The following LMO2 variants were observed in gnomAD, a reference collection of about 807,000 sequenced individuals.
LMO2 encodes LIM domain only 2.
LMO2 carries 20 observed loss-of-function variants against 23.2 expected under a neutral mutation model. The ratio of observed to expected loss-of-function variants is 0.86; its 90% CI spans 0.61 to 1.25. The LOEUF (loss-of-function observed/expected upper bound fraction) is 1.25, where lower values mean the gene tolerates loss of function less well. LMO2 is among the 50% of genes most tolerant of loss of function. The pLI is 0.00. For missense variants in LMO2, 270 were observed against 315.3 expected, an observed-to-expected ratio of 0.86 and a Z score of 1.09; for synonymous variants, 123 against 130.2, an observed-to-expected ratio of 0.94 and a Z score of 0.38.
chr11:33,878,586 G>T (rs957393447), intron 2 of LMO2, among the ~76,000 whole-genome samples: 25 of 152,218 alleles, frequency 1.6e-4, no homozygotes, highest in African/African-American at 2.4e-4. Flanking sequence ...TAGGTGCTCA[G>T]TAAATGGCAA....
At chr11:33,890,768 C>T (rs1298447273) in intron 1 of LMO2, among the ~76,000 whole-genome samples, 1 of 152,140 alleles carries the variant, frequency 6.6e-6, no homozygotes, top group African/African-American at 2.4e-5. Context: ...AGCTACTATC[C>T]AAGCACTTCC....
chr11:33,870,648 C>T, intron 2 of LMO2: 1 of 854,770 alleles, frequency 1.2e-6, no homozygotes, highest in African/African-American at 1.8e-5. Context: ...TCCTCTCAGT[C>T]GGCTGGTGGC....
rs1450560393 is a variant in LMO2, at chr11:33,869,502, T to TCGCCGC, written c.86_91dup (p.Gly29_Gly30dup). ...TCGGGCGCCGCCGCCGCCGCCGCCG[T>TCGCCGC]CGCCGCCGCTCCTGCGCCTCCGCTT... On this transcript the variant is annotated inframe_insertion, in exon 4 of 6. Transcript: ENST00000257818. 4 of 1,196,888 alleles carry TCGCCGC rather than the reference T, an allele frequency of 3.3e-6. No individual in the cohort carries two copies. Among genetic ancestry groups the TCGCCGC allele is most frequent in the Non-Finnish European group, 4.2e-6 (4 of 961,722 alleles). The allele number at this position is 1,196,888 out of a possible 1,614,324, so 74.1% of individuals were successfully genotyped here.
At chr11:33,871,056 G>C in intron 2 of LMO2, 1 of 984,498 alleles carries the variant, frequency 1.0e-6, no homozygotes, top group Non-Finnish European at 1.2e-6. Context: ...CAGGATCCAT[G>C]GTTTTATATG....
intron 2 of LMO2, chr11:33,871,017 T>C: frequency 1.7e-5 from 16 of 968,426 alleles, no homozygotes; most frequent in Non-Finnish European, 2.0e-5. Flanking sequence ...ATGCCAGTCA[T>C]TAAGGCTTGT....
At chr11:33,867,568 T>C (rs1190526419) in intron 4 of LMO2, among the ~76,000 whole-genome samples, 1 of 152,212 alleles carries the variant, frequency 6.6e-6, no homozygotes, top group Non-Finnish European at 1.5e-5. Context: ...AGCCTGGATT[T>C]CTGGGACAAT....
At chr11:33,867,463 C>T (rs1432138391) in intron 4 of LMO2, among the ~76,000 whole-genome samples, 1 of 152,104 alleles carries the variant, frequency 6.6e-6, no homozygotes, top group East Asian at 1.9e-4. Flanking sequence ...GTGGACAATC[C>T]AAGACAATGA....
At chr11:33,867,161 G>A (rs1236104289) in intron 4 of LMO2, among the ~76,000 whole-genome samples, 1 of 152,202 alleles carries the variant, frequency 6.6e-6, no homozygotes, top group Non-Finnish European at 1.5e-5. Flanking sequence ...GGGGCCACCA[G>A]TAGCACAGCA....
intron 1 of LMO2, among the ~76,000 whole-genome samples, chr11:33,888,850 C>T (rs1276494054): frequency 6.6e-6 from 1 of 152,148 alleles, no homozygotes; most frequent in African/African-American, 2.4e-5. Context: ...TATGAGGCGC[C>T]CAGTAAACAC....
In LMO2 at chr11:33,869,820, C is replaced by G. The variant is rs1856955452; in HGVS notation, c.-104G>C. 1.8e-5 allele frequency: 20 copies of G among 1,087,214 alleles called. No homozygotes were observed. In the South Asian group the frequency reaches 7.0e-4, roughly 38 times the overall value. 67.3% of individuals were successfully genotyped at this position (1,087,214 alleles called of 1,614,324 possible). A position where few individuals can be genotyped will look rare whatever the true frequency, so the allele number is the denominator to read the frequency against. On this transcript the variant is annotated 5_prime_UTR_variant, in exon 3 of 6. Coordinates refer to ENST00000257818, the MANE Select transcript of LMO2 (RefSeq NM_005574.4). ...GCCCGCCCGGCCGCCCGGAGCCCCT[C>G]GCACCTTCGGCCCGGGTCGCGGCGC...
intron 1 of LMO2, 85 bp from the exon 2 acceptor site, chr11:33,881,972 G>C (rs1857293900): frequency 6.5e-6 from 1 of 152,710 alleles, no homozygotes; most frequent in African/African-American, 2.4e-5. Flanking sequence ...CTTATCTTCA[G>C]TTAGAGAAAT....
intron 2 of LMO2, among the ~76,000 whole-genome samples, chr11:33,879,348 T>C (rs998861138): frequency 2.6e-5 from 4 of 151,816 alleles, no homozygotes; most frequent in African/African-American, 9.7e-5. Context: ...GGCCGGGCAC[T>C]GTGGCTCACA....
At chr11:33,886,163 C>T (rs1452278418) in intron 1 of LMO2, among the ~76,000 whole-genome samples, 1 of 152,184 alleles carries the variant, frequency 6.6e-6, no homozygotes, top group Non-Finnish European at 1.5e-5. Flanking sequence ...CAGGCATGAG[C>T]CACCATGCCC....
intron 2 of LMO2, 125 bp downstream of exon 2, chr11:33,881,699 C>T (rs1018272099): frequency 6.5e-6 from 2 of 307,272 alleles, no homozygotes; most frequent in African/African-American, 4.4e-5. Flanking sequence ...CCCCAAAGAC[C>T]TCAAGCTCAT....
At chr11:33,863,922 A>G (rs1856676491) in intron 5 of LMO2, among the ~76,000 whole-genome samples, 1 of 152,180 alleles carries the variant, frequency 6.6e-6, no homozygotes, top group African/African-American at 2.4e-5. Context: ...TCCTCCCCAC[A>G]TCCTTAGAGG....
In LMO2 at chr11:33,869,768, T is replaced by C. The variant is rs1014260501; in HGVS notation, c.-52A>G. 29 of 1,182,692 alleles carry C rather than the reference T, an allele frequency of 2.5e-5. No homozygotes were observed. Among genetic ancestry groups the C allele is most frequent in the Admixed American group, 2.3e-4 (5 of 21,906 alleles). 73.3% of individuals were successfully genotyped at this position (1,182,692 alleles called of 1,614,324 possible). On this transcript the variant is annotated 5_prime_UTR_variant, in exon 3 of 6. Transcript: ENST00000257818. The stretch of plus-strand genomic sequence containing the variant: ...GTCCCTCTCGCGCGCTGTCGCCGGC[T>C]CCGCGCCGCCCGCGGGGATGGTGTG...
intron 5 of LMO2, among the ~76,000 whole-genome samples, chr11:33,860,661 T>G (rs1055313817): frequency 8.6e-5 from 13 of 152,038 alleles, no homozygotes; most frequent in Non-Finnish European, 1.9e-4. Context: ...CTATTAATAC[T>G]TGGGAGGCTG....
chr11:33,869,323 AG>A, intron 4 of LMO2, 22 bp downstream of exon 4: 1 of 1,114,766 alleles, frequency 9.0e-7, no homozygotes, highest in Non-Finnish European at 1.1e-6. Flanking sequence ...CGGGGGTGGC[AG>A]GGGCAGGGGG....
rs1042372348 is a variant in LMO2 at position 33,860,633 on chromosome 11, G to T, written c.465-1058C>A. Among the ~76,000 whole-genome samples, 3 of 152,060 alleles carry T rather than the reference G, an allele frequency of 2.0e-5. No individual in the cohort carries two copies. In the East Asian group the frequency reaches 5.8e-4, roughly 29 times the overall value. On this transcript the variant is annotated intron_variant, in intron 5 of 5. Transcript: ENST00000257818. ...ACAAAAATTAGCCGGGTGCGGTGGTGCATGCCTCTAGTCTCAGCTATTAAT... is the reference window on the plus strand; with the variant it reads ...ACAAAAATTAGCCGGGTGCGGTGGTTCATGCCTCTAGTCTCAGCTATTAAT...
Sources: gnomAD v4.1 joint callset for allele counts (sites outside exome capture counted in the v4.1 genomes callset) on GRCh38, gnomAD v4.1.1 for gene constraint, MANE v1.5 for transcripts, NCBI Gene and HGNC (gene_info 2026-07-23, HGNC 2026-07-21) for gene names.